Variants in NCKIPSD observed in about 807,000 individuals in gnomAD.
NCKIPSD encodes the protein NCK-interacting protein with SH3 domain.
In NCKIPSD, 48 loss-of-function variants were observed where a neutral mutation model predicts 73.4. That is an observed-to-expected ratio of 0.65 (90% CI 0.52 to 0.83). The LOEUF (loss-of-function observed/expected upper bound fraction) is 0.83, where lower values mean the gene tolerates loss of function less well. NCKIPSD is among the 40% of genes least tolerant of loss of function. The pLI is 0.00. For synonymous variants in NCKIPSD, 422 were observed against 403.6 expected, an observed-to-expected ratio of 1.05 and a Z score of -0.54; for missense variants, 884 against 970.2, an observed-to-expected ratio of 0.91 and a Z score of 1.18.
In NCKIPSD at chr3:48,681,348, G is replaced by A. The variant is rs781414361; in HGVS notation, c.1031C>T (p.Ala344Val). The part of the protein sequence containing the change: ...AIGIIVGHIQ[A>V]SVPASSPVME... ...GACTGGTGAGCTGGCCGGCACCGAG[G>A]CCTGGATGTGACCCACTATGATGCC... is the stretch of plus-strand genomic sequence containing the variant. The change falls in exon 5 of 13, where the codon GCC becomes GTC. Residue 344 changes from alanine (A) to valine (V), a missense_variant. Transcript: ENST00000294129. 1.9e-6 allele frequency: 3 copies of A among 1,611,258 alleles called. No homozygotes were observed. The highest frequency in any genetic ancestry group is 2.5e-6 in the Non-Finnish European group (3 of 1,179,080).
intron 5 of NCKIPSD, 84 bp downstream of exon 5, chr3:48,681,193 TTGAGAAATAC>T: frequency 6.8e-7 from 1 of 1,481,206 alleles, no homozygotes; most frequent in Non-Finnish European, 8.9e-7. Flanking sequence ...GAGCCAGAGC[TTGAGAAATAC>T]CTGTAATGTA....
chr3:48,685,895 T>G lies in NCKIPSD; in HGVS notation c.-88A>C, dbSNP rs2077432588. ...GGAGCGCCGAGCCGCGCCGCGGTTG[T>G]CCCGCCCCGTGACACACTACGCAGG... On this transcript the variant is annotated 5_prime_UTR_variant, in exon 1 of 13. Coordinates refer to ENST00000294129, the MANE Select transcript of NCKIPSD (RefSeq NM_016453.4). 2.1e-5 allele frequency: 26 copies of G among 1,245,902 alleles called. No homozygotes were observed. The highest frequency in any genetic ancestry group is 2.6e-5 in the Non-Finnish European group (25 of 972,410). 77.2% of individuals were successfully genotyped at this position (1,245,902 alleles called of 1,614,324 possible).
intron 11 of NCKIPSD, 29 bp from the exon 12 acceptor site, chr3:48,678,765 G>A: frequency 1.9e-6 from 3 of 1,611,406 alleles, no homozygotes; most frequent in South Asian, 1.1e-5. Flanking sequence ...AGCGGTCAGG[G>A]TGGACCTTGT....
intron 1 of NCKIPSD, 119 bp downstream of exon 1, chr3:48,685,518 C>A (rs1359435519): frequency 3.1e-6 from 4 of 1,279,062 alleles, no homozygotes; most frequent in Non-Finnish European, 4.1e-6. Context: ...AACTCCCTGT[C>A]TGATAGAGGT....
chr3:48,685,601 G>A (rs766312026), intron 1 of NCKIPSD, 36 bp downstream of exon 1: 5 of 1,504,216 alleles, frequency 3.3e-6, no homozygotes, highest in African/African-American at 2.9e-5. Context: ...TCCTGCCCCA[G>A]GGGCGCGGAG....
intron 12 of NCKIPSD, among the ~76,000 whole-genome samples, chr3:48,675,104 A>C (rs1022867688): frequency 2.0e-5 from 3 of 151,978 alleles, no homozygotes; most frequent in Non-Finnish European, 2.9e-5. Context: ...CACAGCTTCA[A>C]ATAGTGAACC....
intron 11 of NCKIPSD, 26 bp from the exon 12 acceptor site, chr3:48,678,762 AG>A: frequency 6.2e-7 from 1 of 1,611,492 alleles, no homozygotes; most frequent in Admixed American, 1.7e-5. Flanking sequence ...CATAGCGGTC[AG>A]GGTGGACCTT....
chr3:48,685,613 C>A, intron 1 of NCKIPSD, 24 bp downstream of exon 1: 3 of 1,510,988 alleles, frequency 2.0e-6, no homozygotes, highest in African/African-American at 1.4e-5. Context: ...GGCGCGGAGG[C>A]CGGGCGGGAA....
Position 48,681,275 on chromosome 3 carries a change from GC to G in NCKIPSD, c.1092+11del, listed in dbSNP as rs1334062489. ...GGTAGCAGGGTGGCCCTGCTGTGCC[GC>G]CCACCCTCACCTTGCCCTCTACGAG... On this transcript the variant is annotated intron_variant, in intron 5 of 12. Transcript: ENST00000294129. The G allele has an allele frequency of 6.3e-7, 1 of 1,576,076 alleles. No individual in the cohort carries two copies.
Position 48,679,358 on chromosome 3 carries a change from T to C in NCKIPSD, c.1570+19A>G. Reference sequence around the variant, plus strand: ...TGGCTTAGGACCTGTGATCAGCTGGTCGGTTACTGCATTCTTACCATAGTG... The same window carrying C: ...TGGCTTAGGACCTGTGATCAGCTGGCCGGTTACTGCATTCTTACCATAGTG... On this transcript the variant is annotated intron_variant, in intron 9 of 12. Coordinates refer to ENST00000294129, the MANE Select transcript of NCKIPSD (RefSeq NM_016453.4). The C allele has an allele frequency of 6.2e-7, 1 of 1,614,074 alleles. No homozygotes were observed. Among genetic ancestry groups the C allele is most frequent in the Non-Finnish European group, 8.5e-7 (1 of 1,179,976 alleles).
In NCKIPSD at chr3:48,685,630, C is replaced by A. The variant is rs535640984; in HGVS notation, c.171+7G>T. 3 of 1,519,048 alleles carry A rather than the reference C, an allele frequency of 2.0e-6. No individual in the cohort carries two copies. The highest frequency in any genetic ancestry group is 2.8e-5 in the African/African-American group (2 of 70,296). The allele number at this position is 1,519,048 out of a possible 1,614,324, so 94.1% of individuals were successfully genotyped here. A position where few individuals can be genotyped will look rare whatever the true frequency, so the allele number is the denominator to read the frequency against. On this transcript the variant is annotated splice_region_variant and intron_variant, in intron 1 of 12. Transcript: ENST00000294129. Reference sequence around the variant, plus strand: ...CGCGGAGGCCGGGCGGGAAGGGGCGCACTCACCTGCAGGCGGCGCAGGTAG... The same window carrying A: ...CGCGGAGGCCGGGCGGGAAGGGGCGAACTCACCTGCAGGCGGCGCAGGTAG...
At chr3:48,684,693 G>C (rs2077408526) in intron 1 of NCKIPSD, among the ~76,000 whole-genome samples, 1 of 152,190 alleles carries the variant, frequency 6.6e-6, no homozygotes, top group African/African-American at 2.4e-5. Context: ...AGACCAGCTG[G>C]AGATACGCAC....
Position 48,682,898 on chromosome 3 carries a change from C to A in NCKIPSD, c.281+5G>T. On this transcript the variant is annotated splice_donor_5th_base_variant and intron_variant, in intron 2 of 12. Transcript: ENST00000294129. Reference sequence around the variant, plus strand: ...AGGTCCCACTTCACTCCCCTCAACACTCACTGGAGGACTCCACGCTGTTCC... The same window carrying A: ...AGGTCCCACTTCACTCCCCTCAACAATCACTGGAGGACTCCACGCTGTTCC... 6.5e-6 allele frequency: 10 copies of A among 1,547,112 alleles called. No homozygotes were observed. Among genetic ancestry groups the A allele is most frequent in the Non-Finnish European group, 8.7e-6 (10 of 1,144,420 alleles).
chr3:48,675,782 G>A (rs561613083), intron 12 of NCKIPSD, among the ~76,000 whole-genome samples: 72 of 151,834 alleles, frequency 4.7e-4, no homozygotes, highest in Non-Finnish European at 7.5e-4. Flanking sequence ...CAGACTTCAA[G>A]TGATCCACCC....
chr3:48,685,380 C>G (rs972814165), intron 1 of NCKIPSD, among the ~76,000 whole-genome samples: 9 of 152,062 alleles, frequency 5.9e-5, no homozygotes, highest in African/African-American at 2.2e-4. Flanking sequence ...CCTGAGGAGT[C>G]TCAGTCCCAG....
rs1374408714 is a variant in NCKIPSD at position 48,682,136 on chromosome 3, C to A, written c.507G>T (p.Gln169His). ...CTGCTCGGCGAGGCTGTGGTGGGAT[C>A]TGGGAAGATGGAAGTGGGATCTGGA... The part of the protein sequence containing the change: ...GLYQIPLPSS[Q>H]IPPQPRRAAP... The change falls in exon 4 of 13, where the codon CAG (glutamine) becomes CAT (histidine). Residue 169 changes from glutamine (Q) to histidine (H), a missense_variant. Transcript: ENST00000294129. 1.5e-5 allele frequency: 24 copies of A among 1,598,552 alleles called. No homozygotes were observed. Among genetic ancestry groups the A allele is most frequent in the Admixed American group, 3.4e-5 (2 of 59,430 alleles).
At chr3:48,676,464 C>T (rs754272197) in intron 12 of NCKIPSD, among the ~76,000 whole-genome samples, 1 of 152,132 alleles carries the variant, frequency 6.6e-6, no homozygotes, top group Non-Finnish European at 1.5e-5. Flanking sequence ...GAACATGCAC[C>T]ATCATCCGTA....
chr3:48,676,831 T>C (rs2077262749), intron 12 of NCKIPSD, among the ~76,000 whole-genome samples: 1 of 149,142 alleles, frequency 6.7e-6, no homozygotes, highest in Non-Finnish European at 1.5e-5. Flanking sequence ...AGTGCAGTGG[T>C]GTGATCTTGG....
intron 1 of NCKIPSD, among the ~76,000 whole-genome samples, chr3:48,685,110 G>A (rs761581945): frequency 2.0e-5 from 3 of 149,444 alleles, no homozygotes; most frequent in Admixed American, 1.3e-4. Context: ...GAATGGCTAG[G>A]GAAACAGGTG....
Sources: gnomAD v4.1 joint callset for allele counts (sites outside exome capture counted in the v4.1 genomes callset) on GRCh38, gnomAD v4.1.1 for gene constraint, MANE v1.5 for transcripts, NCBI Gene and HGNC (gene_info 2026-07-23, HGNC 2026-07-21) for gene names.